THADA: variants seen among roughly 807,000 people sequenced by gnomAD.
THADA encodes the protein THADA armadillo repeat containing.
THADA carries 213 observed loss-of-function variants against 219.8 expected under a neutral mutation model. That is an observed-to-expected ratio of 0.97 (90% CI 0.87 to 1.09). THADA has a LOEUF of 1.09. Ranked by LOEUF, THADA falls within the 50% of genes least tolerant of loss-of-function variation. The pLI, the probability that THADA is intolerant of heterozygous loss-of-function variation, is 0.00. For missense variants in THADA, 2,956 were observed against 2,311.3 expected (o/e 1.28, Z -5.72); for synonymous variants, 1,018 against 828.9 (o/e 1.23, Z -3.92).
chr2:43,332,330 C>G (rs536607234), intron 30 of THADA, among the ~76,000 whole-genome samples: 2 of 152,354 alleles, frequency 1.3e-5, no homozygotes, highest in South Asian at 4.1e-4. Flanking sequence ...GACACCCCTA[C>G]CCTGACAAGC....
intron 24 of THADA, among the ~76,000 whole-genome samples, chr2:43,504,768 C>T (rs1208759768): frequency 2.0e-5 from 3 of 152,190 alleles, no homozygotes; most frequent in African/African-American, 7.2e-5. Context: ...CCTGTAATTC[C>T]AGCTACTGAG....
chr2:43,301,241 A>G (rs1676229685), intron 31 of THADA, among the ~76,000 whole-genome samples: 1 of 152,208 alleles, frequency 6.6e-6, no homozygotes, highest in Non-Finnish European at 1.5e-5. Flanking sequence ...CCAGCGCAGG[A>G]CTTCACAGTA....
chr2:43,248,077 A>G (rs1192338873), intron 36 of THADA, among the ~76,000 whole-genome samples: 1 of 148,062 alleles, frequency 6.8e-6, no homozygotes, highest in Non-Finnish European at 1.5e-5. Flanking sequence ...AAAAGTTGAT[A>G]TTTAAGAAAA....
intron 36 of THADA, among the ~76,000 whole-genome samples, chr2:43,252,309 C>T (rs540069131): frequency 2.0e-5 from 3 of 152,350 alleles, no homozygotes; most frequent in Non-Finnish European, 2.9e-5. Context: ...ACTGTTTCAA[C>T]TCAAGATCTC....
intron 30 of THADA, among the ~76,000 whole-genome samples, chr2:43,324,982 C>T (rs1208305532): frequency 2.0e-5 from 3 of 152,186 alleles, no homozygotes; most frequent in Admixed American, 1.3e-4. Context: ...ACTATGCGGA[C>T]GAAGTTGACA....
chr2:43,410,983 C>G (rs1676223819), intron 28 of THADA, among the ~76,000 whole-genome samples: 1 of 152,214 alleles, frequency 6.6e-6, no homozygotes, highest in South Asian at 2.1e-4. Context: ...CTCAAGTCTT[C>G]TCTTCCTCAG....
chr2:43,271,139 C>T (rs1023886044), intron 36 of THADA, among the ~76,000 whole-genome samples: 4 of 152,350 alleles, frequency 2.6e-5, no homozygotes, highest in East Asian at 1.9e-4. Flanking sequence ...ACCTGCTGGG[C>T]ACTTCCCAGG....
At chr2:43,306,620 CTG>C (rs1447848741) in intron 31 of THADA, among the ~76,000 whole-genome samples, 1 of 152,140 alleles carries the variant, frequency 6.6e-6, no homozygotes, top group Non-Finnish European at 1.5e-5. Flanking sequence ...TCTGTAGAGT[CTG>C]AGACTGAAGA....
chr2:43,516,747 G>C (rs1305298852), intron 22 of THADA, among the ~76,000 whole-genome samples: 1 of 152,050 alleles, frequency 6.6e-6, no homozygotes, highest in Non-Finnish European at 1.5e-5. Flanking sequence ...TGCCCTAAAT[G>C]CTCAGATCTG....
chr2:43,257,874 T>G (rs1308961293), intron 36 of THADA, among the ~76,000 whole-genome samples: 1 of 151,978 alleles, frequency 6.6e-6, no homozygotes, highest in Non-Finnish European at 1.5e-5. Flanking sequence ...TAGGGGAAAG[T>G]CACAGACTAA....
chr2:43,287,631 G>A (rs1379652692), intron 34 of THADA, among the ~76,000 whole-genome samples: 2 of 152,176 alleles, frequency 1.3e-5, no homozygotes, highest in African/African-American at 2.4e-5. Flanking sequence ...ATCAGGTTAT[G>A]AGAACACTGG....
chr2:43,524,021 T>C (rs934916651), intron 22 of THADA, among the ~76,000 whole-genome samples: 1 of 152,198 alleles, frequency 6.6e-6, no homozygotes, highest in Non-Finnish European at 1.5e-5. Context: ...CAAGCAAATA[T>C]GAATGTCACC....
Position 43,474,817 on chromosome 2 carries a change from TA to T in THADA, c.3836+10416del, listed in dbSNP as rs978906192. Among the ~76,000 whole-genome samples the T allele has an allele frequency of 9.2e-5, 14 of 152,290 alleles. No homozygotes were observed. In the East Asian group the frequency reaches 2.1e-3, roughly 23 times the overall value. ...TTAGATGCTTCTAGAATTGTGTTTA[TA>T]GAGTGGAAAATTCTAGCCCTCCAAG... On this transcript the variant is annotated intron_variant, in intron 26 of 37. Transcript: ENST00000405975.
chr2:43,551,375 T>C (rs575202945), intron 19 of THADA, among the ~76,000 whole-genome samples: 1 of 152,308 alleles, frequency 6.6e-6, no homozygotes, highest in African/African-American at 2.4e-5. Flanking sequence ...ATCTGCATTG[T>C]ACTTAATGGC....
chr2:43,238,118 C>A (rs1262315979), intron 36 of THADA, among the ~76,000 whole-genome samples: 3 of 28,264 alleles, frequency 1.1e-4, no homozygotes, highest in Non-Finnish European at 1.2e-4. Flanking sequence ...GATTCCATCT[C>A]AAAAAAAAAA....
intron 26 of THADA, among the ~76,000 whole-genome samples, chr2:43,439,241 T>C (rs1680536247): frequency 6.6e-6 from 1 of 152,124 alleles, no homozygotes; most frequent in African/African-American, 2.4e-5. Context: ...TGCCATTAGA[T>C]ATTTAGATCT....
chr2:43,442,575 A>C (rs1680979591), intron 26 of THADA, among the ~76,000 whole-genome samples: 1 of 152,164 alleles, frequency 6.6e-6, no homozygotes, highest in Non-Finnish European at 1.5e-5. Context: ...TTCATGACGA[A>C]AGAAGGTACA....
chr2:43,355,519 A>T (rs1668777348), intron 29 of THADA, among the ~76,000 whole-genome samples: 1 of 152,090 alleles, frequency 6.6e-6, no homozygotes, highest in South Asian at 2.1e-4. Context: ...TCATCCTTTT[A>T]TCCATATTTG....
At chr2:43,586,512 A>G in intron 6 of THADA, 63 bp from the exon 7 acceptor site, 2 of 1,428,374 alleles carry the variant, frequency 1.4e-6, no homozygotes, top group Non-Finnish European at 1.9e-6. Flanking sequence ...TCAATAAAAT[A>G]AAATATTTTA....
Sources: allele counts gnomAD v4.1 joint callset (sites outside exome capture counted in the v4.1 genomes callset), GRCh38; gene constraint gnomAD v4.1.1; transcripts MANE v1.5; gene names NCBI Gene and HGNC (gene_info 2026-07-23, HGNC 2026-07-21).